The following FANCC variants were observed in gnomAD, a reference collection of about 807,000 sequenced individuals.
FANCC encodes the protein Fanconi anemia group C protein.
Under a neutral mutation model 71.3 loss-of-function variants are expected in FANCC, and 55 were observed. The ratio of observed to expected loss-of-function variants is 0.77; its 90% confidence interval spans 0.62 to 0.97. FANCC has a LOEUF of 0.97. FANCC is among the 50% of genes least tolerant of loss of function. FANCC has a pLI of 0.00. For synonymous variants in FANCC, 275 were observed against 244.9 expected, an observed-to-expected ratio of 1.12 and a Z score of -1.15; for missense variants, 678 against 670.9, an observed-to-expected ratio of 1.01 and a Z score of -0.12.
At chr9:95,303,647 T>C (rs2136378004) in intron 1 of FANCC, among the ~76,000 whole-genome samples, 1 of 152,332 alleles carries the variant, frequency 6.6e-6, no homozygotes, top group East Asian at 1.9e-4. Flanking sequence ...ACATGACCTC[T>C]TCTTTGTGCT....
intron 1 of FANCC, among the ~76,000 whole-genome samples, chr9:95,283,894 A>G (rs1833517336): frequency 6.6e-6 from 1 of 152,226 alleles, no homozygotes; most frequent in Non-Finnish European, 1.5e-5. Context: ...ACTCTATAAC[A>G]TACTAGCTAT....
At chr9:95,314,539 C>G (rs975181720) in intron 1 of FANCC, among the ~76,000 whole-genome samples, 4 of 152,014 alleles carry the variant, frequency 2.6e-5, no homozygotes, top group African/African-American at 9.7e-5. Flanking sequence ...GTAGTCCCAG[C>G]TACTCGGGAG....
intron 7 of FANCC, 88 bp from the exon 8 acceptor site, chr9:95,135,590 C>T: frequency 3.6e-6 from 4 of 1,107,666 alleles, no homozygotes; most frequent in Non-Finnish European, 5.4e-6. Flanking sequence ...AATCACTAAT[C>T]CAATTTGTGA....
chr9:95,291,168 A>G (rs1833973234), intron 1 of FANCC, among the ~76,000 whole-genome samples: 1 of 152,330 alleles, frequency 6.6e-6, no homozygotes. Flanking sequence ...CAGGAACAAT[A>G]CAACGAGGTC....
At chr9:95,105,138 C>T (rs1044950674) in intron 14 of FANCC, among the ~76,000 whole-genome samples, 2 of 152,356 alleles carry the variant, frequency 1.3e-5, no homozygotes, top group African/African-American at 2.4e-5. Context: ...CCTCATGACT[C>T]GGATTCGTCT....
chr9:95,227,823 G>C (rs1829720926), intron 4 of FANCC, among the ~76,000 whole-genome samples: 1 of 152,138 alleles, frequency 6.6e-6, no homozygotes, highest in African/African-American at 2.4e-5. Flanking sequence ...CTTATCATTA[G>C]CAAGAAGAAC....
At chr9:95,259,062 C>T (rs371928832) in intron 1 of FANCC, among the ~76,000 whole-genome samples, 9 of 152,276 alleles carry the variant, frequency 5.9e-5, no homozygotes, top group South Asian at 4.1e-4. Flanking sequence ...AATGGAAAAA[C>T]ATTCCATGCT....
chr9:95,133,534 C>T (rs1031715796), intron 8 of FANCC, among the ~76,000 whole-genome samples: 4 of 152,316 alleles, frequency 2.6e-5, no homozygotes, highest in East Asian at 1.9e-4. Context: ...GGACGGCCTG[C>T]GTTCTCTGTC....
intron 1 of FANCC, among the ~76,000 whole-genome samples, chr9:95,275,454 T>C (rs1832980421): frequency 6.6e-6 from 1 of 152,134 alleles, no homozygotes. Flanking sequence ...CCATAGAATG[T>C]ACAACACCAA....
At chr9:95,288,032 TTTTA>T (rs375474305) in intron 1 of FANCC, among the ~76,000 whole-genome samples, 3 of 152,294 alleles carry the variant, frequency 2.0e-5, no homozygotes, top group African/African-American at 7.2e-5. Context: ...ACCTCTGAAA[TTTTA>T]TTTATCAGCA....
At chr9:95,166,811 T>C (rs1313808415) in intron 6 of FANCC, among the ~76,000 whole-genome samples, 2 of 152,128 alleles carry the variant, frequency 1.3e-5, no homozygotes, top group Admixed American at 6.5e-5. Context: ...CTGGAACCAA[T>C]CCTCTCTGGA....
intron 4 of FANCC, among the ~76,000 whole-genome samples, chr9:95,200,928 G>A (rs897134635): frequency 4.6e-5 from 7 of 152,144 alleles, no homozygotes; most frequent in Non-Finnish European, 8.8e-5. Context: ...ACATAGTCAA[G>A]TGTTCTTTTA....
intron 1 of FANCC, among the ~76,000 whole-genome samples, chr9:95,257,161 A>G (rs1831714787): frequency 6.6e-6 from 1 of 152,204 alleles, no homozygotes; most frequent in Admixed American, 6.5e-5. Context: ...TCAGGATTTG[A>G]ACTCAGCTCT....
chr9:95,131,710 A>G (rs1826937145), intron 8 of FANCC, among the ~76,000 whole-genome samples: 1 of 152,214 alleles, frequency 6.6e-6, no homozygotes, highest in Non-Finnish European at 1.5e-5. Flanking sequence ...AGACTGAAAA[A>G]GCAGGAAAAG....
rs990424177 is a variant in FANCC at position 95,256,320 on chromosome 9, T to C, written c.-78-6951A>G. Reference sequence around the variant, plus strand: ...AGGTCGGGTTACCCACAAAGGGAAGTCCATCAGACTAACAGCGGATCTCTC... The same window carrying C: ...AGGTCGGGTTACCCACAAAGGGAAGCCCATCAGACTAACAGCGGATCTCTC... On this transcript the variant is annotated intron_variant, in intron 1 of 14. Coordinates refer to ENST00000289081, the MANE Select transcript of FANCC (RefSeq NM_000136.3). Among the ~76,000 whole-genome samples, 9 of 152,220 alleles carry C rather than the reference T, an allele frequency of 5.9e-5. No homozygotes were observed. The East Asian group carries it at 1.7e-3, about 29-fold the overall frequency.
At chr9:95,204,999 A>G (rs1828031876) in intron 4 of FANCC, among the ~76,000 whole-genome samples, 1 of 152,256 alleles carries the variant, frequency 6.6e-6, no homozygotes, top group African/African-American at 2.4e-5. Flanking sequence ...AAGAAGCATC[A>G]GAATAGAGAA....
intron 6 of FANCC, among the ~76,000 whole-genome samples, chr9:95,170,766 A>C (rs1825624603): frequency 6.6e-6 from 1 of 151,528 alleles, no homozygotes; most frequent in South Asian, 2.1e-4. Flanking sequence ...CAGAGTGAGC[A>C]ATCCCAGGGT....
At chr9:95,102,819 G>A (rs765845511) in intron 14 of FANCC, among the ~76,000 whole-genome samples, 2 of 152,202 alleles carry the variant, frequency 1.3e-5, no homozygotes, top group Admixed American at 6.5e-5. Context: ...GCGTGGGGAC[G>A]CAGAGCTAAG....
intron 4 of FANCC, among the ~76,000 whole-genome samples, chr9:95,190,634 C>A (rs1156980547): frequency 1.3e-5 from 2 of 152,214 alleles, no homozygotes; most frequent in Admixed American, 6.5e-5. Flanking sequence ...CAGGGCTGCA[C>A]CTGTACATCT....
Sources: gnomAD v4.1 joint callset for allele counts (sites outside exome capture counted in the v4.1 genomes callset) on GRCh38, gnomAD v4.1.1 for gene constraint, MANE v1.5 for transcripts, NCBI Gene and HGNC (gene_info 2026-07-23, HGNC 2026-07-21) for gene names.